COL4A2: variants seen among roughly 807,000 people sequenced by gnomAD.
The protein encoded by COL4A2 is collagen alpha-2(IV) chain.
In COL4A2, 99 loss-of-function variants were observed where a neutral mutation model predicts 200.2. That is an observed-to-expected ratio of 0.49 (90% confidence interval 0.42 to 0.58). COL4A2 has a LOEUF of 0.58. Ranked by LOEUF, COL4A2 falls within the 20% of genes least tolerant of loss-of-function variation. The pLI is 0.00. For missense variants in COL4A2, 1,950 were observed against 2,314.1 expected, an observed-to-expected ratio of 0.84 and a Z score of 3.23; for synonymous variants, 897 against 900.6, an observed-to-expected ratio of 1.00 and a Z score of 0.07.
In COL4A2 at chr13:110,449,569, A is replaced by G. The variant is rs184172324; in HGVS notation, c.1079-110A>G. On this transcript the variant is annotated intron_variant, in intron 18 of 47. Transcript: ENST00000360467. ...TCATCTTAACTCCTCATCAGGCCGC[A>G]TACAGCATATGGAGCATTTGGTAAA... 158 of 1,047,064 alleles carry G rather than the reference A, an allele frequency of 1.5e-4. 1 individual carries two copies. The highest frequency in any genetic ancestry group is 1.3e-3 in the African/African-American group (81 of 62,818). 64.9% of individuals were successfully genotyped at this position (1,047,064 alleles called of 1,614,324 possible).
At chr13:110,465,368 G>A in intron 24 of COL4A2, 37 bp from the exon 25 acceptor site, 2 of 1,564,906 alleles carry the variant, frequency 1.3e-6, no homozygotes, top group East Asian at 2.2e-5. Flanking sequence ...TTTAACATTA[G>A]TATATATTTT....
At chr13:110,449,866 T>A in intron 19 of COL4A2, 77 bp downstream of exon 19, 1 of 1,437,730 alleles carries the variant, frequency 7.0e-7, no homozygotes, top group South Asian at 1.3e-5. Context: ...AAGGGAGACT[T>A]CGTTGACGAC....
intron 4 of COL4A2, among the ~76,000 whole-genome samples, chr13:110,410,914 C>T (rs1329945896): frequency 2.0e-5 from 3 of 152,118 alleles, no homozygotes; most frequent in Non-Finnish European, 1.5e-5. Context: ...CTCCAAATCA[C>T]GTGAATCTGT....
chr13:110,502,120 G>A (rs988966626), intron 41 of COL4A2, among the ~76,000 whole-genome samples: 1 of 152,132 alleles, frequency 6.6e-6, no homozygotes, highest in South Asian at 2.1e-4. Flanking sequence ...TCCTAATCAC[G>A]AACGAGCTGA....
chr13:110,368,270 C>T (rs1282315828), intron 4 of COL4A2, among the ~76,000 whole-genome samples: 1 of 152,094 alleles, frequency 6.6e-6, no homozygotes, highest in Admixed American at 6.6e-5. Flanking sequence ...TATATATATC[C>T]AGAGTAAAAT....
intron 42 of COL4A2, 49 bp from the exon 43 acceptor site, chr13:110,503,334 C>T (rs1051823726): frequency 5.0e-6 from 8 of 1,586,730 alleles, no homozygotes; most frequent in Middle Eastern, 1.7e-4. Context: ...GTGAGAGGAG[C>T]CCCCTCCCCA....
chr13:110,474,854 T>C (rs1882635584), intron 29 of COL4A2, among the ~76,000 whole-genome samples: 1 of 100,594 alleles, frequency 9.9e-6, no homozygotes, highest in Non-Finnish European at 2.1e-5. Flanking sequence ...TGCTCAAACA[T>C]GATCACACAC....
intron 36 of COL4A2, 30 bp from the exon 37 acceptor site, chr13:110,491,199 CTGTT>C (rs1205661039): frequency 6.0e-6 from 9 of 1,492,424 alleles, no homozygotes; most frequent in East Asian, 4.8e-5. Flanking sequence ...GGCGCGGTGT[CTGTT>C]TGTTCCAAGC....
chr13:110,462,365 C>G lies in COL4A2; in HGVS notation c.1757C>G (p.Pro586Arg). 6.2e-7 allele frequency: 1 copy of G among 1,613,640 alleles called. No individual in the cohort carries two copies. The highest frequency in any genetic ancestry group is 8.5e-7 in the Non-Finnish European group (1 of 1,180,016). Residue 586 changes from proline to arginine, a missense_variant, in exon 24 of 48, where the codon CCC (proline) becomes CGC (arginine). Around this residue, in one of 2 missense-constraint regions of COL4A2, gnomAD observed 1,385 missense variants for 1,720.5 expected, o/e 0.80. Transcript: ENST00000360467. ...GGCCGCGATGGGCTCGATGGATTCC[C>G]CGGCCTCCCAGGCCCTCCCGTGAGT... ...SPGRDGLDGF[P>R]GLPGPPGDGI...
At chr13:110,497,159 G>T (rs1350613700) in intron 40 of COL4A2, among the ~76,000 whole-genome samples, 1 of 151,774 alleles carries the variant, frequency 6.6e-6, no homozygotes, top group East Asian at 2.0e-4. Context: ...GGGATCTAGG[G>T]TCAGCGCACC....
At position 110,504,231 on chromosome 13, in the gene COL4A2, C is replaced by T; in HGVS notation, c.4369C>T (p.Pro1457Ser). ...AVPGFRGDEGPIGHQGPIGQE... is the reference protein window; with the variant it reads ...AVPGFRGDEGSIGHQGPIGQE... Reference sequence around the variant, plus strand: ...TCCCGGCTTCCGGGGAGATGAAGGACCCATAGGCCACCAGGGGCCGATTGG... The same window carrying T: ...TCCCGGCTTCCGGGGAGATGAAGGATCCATAGGCCACCAGGGGCCGATTGG... Residue 1457 changes from proline to serine, a missense_variant, in exon 45 of 48, where the codon CCC becomes TCC. By Grantham distance (74) the Pro-to-Ser change is moderately conservative. Coordinates refer to ENST00000360467, the MANE Select transcript of COL4A2 (RefSeq NM_001846.4). 3.1e-6 allele frequency: 5 copies of T among 1,614,042 alleles called. No homozygotes were observed. The highest frequency in any genetic ancestry group is 3.4e-6 in the Non-Finnish European group (4 of 1,180,002).
At chr13:110,347,471 A>G (rs1388461930) in intron 3 of COL4A2, among the ~76,000 whole-genome samples, 3 of 152,180 alleles carry the variant, frequency 2.0e-5, no homozygotes, top group East Asian at 3.8e-4. Context: ...GCCCTTTGCT[A>G]CATCATTCAT....
chr13:110,491,349 T>C lies in COL4A2; in HGVS notation c.3454+9T>C. 1 of 1,549,600 alleles carries C rather than the reference T, an allele frequency of 6.5e-7. No individual in the cohort carries two copies. The highest frequency in any genetic ancestry group is 8.8e-7 in the Non-Finnish European group (1 of 1,137,994). Reference sequence around the variant, plus strand: ...ACTTAAAGGACAAACAGGTAAAATCTCCCGCAGCCACACAGCCTTCCTCAG... The same window carrying C: ...ACTTAAAGGACAAACAGGTAAAATCCCCCGCAGCCACACAGCCTTCCTCAG... On this transcript the variant is annotated intron_variant, in intron 37 of 47. Transcript: ENST00000360467.
At chr13:110,417,288 G>C (rs6492268) in intron 4 of COL4A2, among the ~76,000 whole-genome samples, 2 of 152,228 alleles carry the variant, frequency 1.3e-5, no homozygotes, top group Non-Finnish European at 2.9e-5. Flanking sequence ...ATTCGGCTAA[G>C]TGTTTTTTTC....
At chr13:110,336,039 C>G (rs915649282) in intron 3 of COL4A2, among the ~76,000 whole-genome samples, 4 of 152,192 alleles carry the variant, frequency 2.6e-5, no homozygotes, top group African/African-American at 7.2e-5. Flanking sequence ...ACCTTTCCCC[C>G]CAGAGCTGAC....
At chr13:110,460,437 A>C (rs1233409797) in intron 22 of COL4A2, among the ~76,000 whole-genome samples, 1 of 152,250 alleles carries the variant, frequency 6.6e-6, no homozygotes, top group Non-Finnish European at 1.5e-5. Flanking sequence ...TCTAGTATTC[A>C]GAAAAAGTGC....
chr13:110,451,618 T>TC (rs1881540313), intron 20 of COL4A2, among the ~76,000 whole-genome samples: 1 of 152,196 alleles, frequency 6.6e-6, no homozygotes, highest in Non-Finnish European at 1.5e-5. Flanking sequence ...ACTCACTCAC[T>TC]ATCGTGAGAA....
chr13:110,488,855 G>A (rs996688296), intron 34 of COL4A2, among the ~76,000 whole-genome samples: 4 of 152,206 alleles, frequency 2.6e-5, no homozygotes, highest in African/African-American at 7.2e-5. Context: ...CCACACTGTC[G>A]TGATGGAGAC....
At chr13:110,474,999 CATG>C (rs1453286791) in intron 29 of COL4A2, among the ~76,000 whole-genome samples, 2 of 151,968 alleles carry the variant, frequency 1.3e-5, no homozygotes, top group African/African-American at 4.8e-5. Flanking sequence ...CACACTCACA[CATG>C]ATCGTACACT....
Sources: allele counts gnomAD v4.1 joint callset (sites outside exome capture counted in the v4.1 genomes callset), GRCh38; gene constraint gnomAD v4.1.1; regional missense constraint gnomAD v4.1.1; transcripts MANE v1.5; gene names NCBI Gene and HGNC (gene_info 2026-07-23, HGNC 2026-07-21).